The following MRPL15 variants were observed in gnomAD, a reference collection of about 807,000 sequenced individuals.
MRPL15 encodes the protein large ribosomal subunit protein uL15m.
Under a neutral mutation model 28.0 loss-of-function variants are expected in MRPL15, and 24 were observed. The ratio of observed to expected loss-of-function variants is 0.86; its 90% confidence interval spans 0.62 to 1.21. The LOEUF is 1.21. Among genes scored for constraint, MRPL15 ranks in the 50% most tolerant of loss-of-function variants. The probability of loss-of-function intolerance (pLI) is 0.00; values close to 1 mark genes in which losing one functional copy is unlikely to be tolerated. For missense variants in MRPL15, 343 were observed against 372.4 expected (o/e 0.92, Z 0.65); for synonymous variants, 124 against 137.0 (o/e 0.90, Z 0.66).
chr8:54,136,518 G>T lies in MRPL15; in HGVS notation c.116G>T (p.Arg39Ile), dbSNP rs1191575607. Residue 39 changes from arginine to isoleucine, a missense_variant, in exon 2 of 5, where the codon AGA becomes ATA. Physicochemically the swap from Arg to Ile is moderately conservative, Grantham distance 97. Coordinates refer to ENST00000260102, the MANE Select transcript of MRPL15 (RefSeq NM_014175.4). ...TCTTTTTTTTCCTTGCAGGAGAGAA[G>T]ACCAAGAGGTCGGAGAAGAGGTAGA... ...PNPGSKKPER[R>I]PRGRRRGRKC... The T allele has an allele frequency of 6.2e-7, 1 of 1,611,536 alleles. No individual in the cohort carries two copies. The highest frequency in any genetic ancestry group is 8.5e-7 in the Non-Finnish European group (1 of 1,179,236).
Position 54,135,422 on chromosome 8 carries a change from C to G in MRPL15, c.108+31C>G, listed in dbSNP as rs566103032. ...TGGGTGGTGGCGGTGCGGGGAAGCG[C>G]TGGGGACCCGGGCGATGAAAGCGGC... On this transcript the variant is annotated intron_variant, in intron 1 of 4. Transcript: ENST00000260102. 1.3e-4 allele frequency: 199 copies of G among 1,512,796 alleles called. 7 individuals are homozygous for G. In the South Asian group the frequency reaches 2.4e-3, roughly 18 times the overall value. The allele number at this position is 1,512,796 out of a possible 1,614,324, so 93.7% of individuals were successfully genotyped here. A position where few individuals can be genotyped will look rare whatever the true frequency, so the allele number is the denominator to read the frequency against.
intron 4 of MRPL15, among the ~76,000 whole-genome samples, chr8:54,143,103 CAG>C (rs1472782631): frequency 1.3e-5 from 2 of 151,304 alleles, no homozygotes; most frequent in Admixed American, 6.6e-5. Context: ...TTTTTTAAGA[CAG>C]AGTCTTGCTC....
At position 54,147,756 on chromosome 8, in the gene MRPL15, T is replaced by C. The variant is rs745578493; in HGVS notation, c.*37T>C. On this transcript the variant is annotated 3_prime_UTR_variant, in exon 5 of 5. Coordinates refer to ENST00000260102, the MANE Select transcript of MRPL15 (RefSeq NM_014175.4). ...AGGAAGCAGAGTTGTTAAAGAGTACTGGAATAGGGGCTGAAGGATCTATAT... is the reference window on the plus strand; with the variant it reads ...AGGAAGCAGAGTTGTTAAAGAGTACCGGAATAGGGGCTGAAGGATCTATAT... 6.5e-7 allele frequency: 1 copy of C among 1,529,156 alleles called. No homozygotes were observed. The highest frequency in any genetic ancestry group is 8.9e-7 in the Non-Finnish European group (1 of 1,127,188). 94.7% of individuals were successfully genotyped at this position (1,529,156 alleles called of 1,614,324 possible).
chr8:54,142,114 G>T (rs558032796), intron 3 of MRPL15, among the ~76,000 whole-genome samples: 3 of 151,908 alleles, frequency 2.0e-5, no homozygotes, highest in Admixed American at 2.0e-4. Context: ...CTCCCAAAGT[G>T]CTGGGATTAC....
chr8:54,137,843 T>C (rs966874164), intron 3 of MRPL15, among the ~76,000 whole-genome samples: 2 of 152,212 alleles, frequency 1.3e-5, no homozygotes, highest in African/African-American at 2.4e-5. Context: ...ATAACTGTTA[T>C]GTAGTGGTGA....
At chr8:54,146,395 C>T (rs980905535) in intron 4 of MRPL15, among the ~76,000 whole-genome samples, 4 of 150,590 alleles carry the variant, frequency 2.7e-5, no homozygotes, top group African/African-American at 9.8e-5. Context: ...TGCAGTGAGC[C>T]GAGATCATGC....
intron 4 of MRPL15, among the ~76,000 whole-genome samples, chr8:54,143,987 G>A (rs999704341): frequency 3.3e-5 from 5 of 152,252 alleles, no homozygotes; most frequent in African/African-American, 1.2e-4. Context: ...ACATGCACAT[G>A]CATGGTGTGC....
intron 3 of MRPL15, among the ~76,000 whole-genome samples, chr8:54,139,879 C>G (rs1810889582): frequency 6.6e-6 from 1 of 152,068 alleles, no homozygotes. Flanking sequence ...ACCAATGCCC[C>G]CAAATAGGGA....
At chr8:54,145,140 A>T (rs968072740) in intron 4 of MRPL15, among the ~76,000 whole-genome samples, 1 of 152,202 alleles carries the variant, frequency 6.6e-6, no homozygotes, top group African/African-American at 2.4e-5. Context: ...TAATAAAACA[A>T]ATCCAATCAC....
chr8:54,146,426 G>A (rs534249326), intron 4 of MRPL15, among the ~76,000 whole-genome samples: 4 of 147,826 alleles, frequency 2.7e-5, no homozygotes, highest in South Asian at 2.2e-4. Flanking sequence ...TAGCCTGGGC[G>A]ACAGAGCGAG....
intron 3 of MRPL15, among the ~76,000 whole-genome samples, chr8:54,138,018 G>A (rs1310692154): frequency 1.3e-5 from 2 of 151,428 alleles, no homozygotes; most frequent in Admixed American, 6.6e-5. Context: ...GCAGTGGCAC[G>A]ATCTCGGCTC....
At chr8:54,147,313 G>A in intron 4 of MRPL15, 69 bp from the exon 5 acceptor site, 2 of 1,153,874 alleles carry the variant, frequency 1.7e-6, no homozygotes, top group South Asian at 3.0e-5. Flanking sequence ...CTATGTTAGA[G>A]TTACATCTCT....
intron 4 of MRPL15, among the ~76,000 whole-genome samples, chr8:54,146,276 A>G (rs1811044602): frequency 6.6e-6 from 1 of 152,058 alleles, no homozygotes; most frequent in Non-Finnish European, 1.5e-5. Flanking sequence ...GCAAAACCCC[A>G]TCTCTACTAA....
At chr8:54,137,950 CTTT>C (rs377081272) in intron 3 of MRPL15, among the ~76,000 whole-genome samples, 1 of 148,266 alleles carries the variant, frequency 6.7e-6, no homozygotes, top group Non-Finnish European at 1.5e-5. Flanking sequence ...AGCTTGCCTT[CTTT>C]TTTTTTTGTT....
intron 1 of MRPL15, among the ~76,000 whole-genome samples, chr8:54,136,162 CAATT>C (rs1810824420): frequency 6.6e-6 from 1 of 152,222 alleles, no homozygotes; most frequent in Admixed American, 6.5e-5. Flanking sequence ...TGCATATTTA[CAATT>C]AATTTCAGAA....
chr8:54,136,661 C>A lies in MRPL15; in HGVS notation c.259C>A (p.His87Asn), dbSNP rs1230668314. Residue 87 changes from histidine to asparagine, a missense_variant, in exon 2 of 5, where the codon CAT becomes AAT. Transcript: ENST00000260102. ...RIPKYGFNEG[H>N]SFRRQYKPLS... Reference sequence around the variant, plus strand: ...CCCAAAATACGGGTTTAACGAAGGACATAGGTAAGGTTGCTTTGCTTTTTA... The same window carrying A: ...CCCAAAATACGGGTTTAACGAAGGAAATAGGTAAGGTTGCTTTGCTTTTTA... The A allele has an allele frequency of 1.9e-6, 3 of 1,613,262 alleles. No homozygotes were observed. The highest frequency in any genetic ancestry group is 2.7e-5 in the African/African-American group (2 of 74,888).
At chr8:54,137,577 C>G (rs1267815754) in intron 3 of MRPL15, 144 bp downstream of exon 3, 1 of 701,704 alleles carries the variant, frequency 1.4e-6, no homozygotes, top group Middle Eastern at 4.2e-4. Context: ...ATTCTCCTGC[C>G]TCAGCCTCCT....
At position 54,147,715 on chromosome 8, in the gene MRPL15, C is replaced by T. The variant is rs201769943; in HGVS notation, c.887C>T (p.Ser296Leu). Reference protein sequence around the residue: ...TDENLLKYYTS With the variant: ...TDENLLKYYTL ...GAAAATCTCCTTAAGTATTATACCT[C>T]ATGAATTCCCGTCCAAGGAAGCAGA... Residue 296 changes from serine to leucine, a missense_variant, in exon 5 of 5, where the codon TCA becomes TTA. Ser to Leu is a moderately radical substitution (Grantham distance 145, BLOSUM62 -2). Coordinates refer to ENST00000260102, the MANE Select transcript of MRPL15 (RefSeq NM_014175.4). 4.4e-6 allele frequency: 7 copies of T among 1,601,136 alleles called. No homozygotes were observed. The Admixed American group carries it at 5.1e-5, about 12-fold the overall frequency.
chr8:54,142,745 G>A lies in MRPL15; in HGVS notation c.512G>A (p.Gly171Asp). The stretch of plus-strand genomic sequence containing the variant: ...GCTATTGCTGCCATTGAAAAAAATG[G>A]TGGTGTTGTTACTACAGCCTTCTAT... Reference protein sequence around the residue: ...ELAIAAIEKNGGVVTTAFYDP... With the variant: ...ELAIAAIEKNDGVVTTAFYDP... The change falls in exon 4 of 5, where the codon GGT (glycine) becomes GAT (aspartate). Residue 171 changes from glycine (G) to aspartate (D), a missense_variant. Gly to Asp is a moderately conservative substitution (Grantham distance 94). Transcript: ENST00000260102. 6 of 1,614,106 alleles carry A rather than the reference G, an allele frequency of 3.7e-6. No homozygotes were observed. The highest frequency in any genetic ancestry group is 5.1e-6 in the Non-Finnish European group (6 of 1,179,998).
Sources: gnomAD v4.1 joint callset for allele counts (sites outside exome capture counted in the v4.1 genomes callset) on GRCh38, gnomAD v4.1.1 for gene constraint, MANE v1.5 for transcripts, NCBI Gene and HGNC (gene_info 2026-07-23, HGNC 2026-07-21) for gene names.